Variants in SMYD5 observed in about 807,000 individuals in gnomAD.
SMYD5 encodes the protein protein-lysine N-trimethyltransferase SMYD5.
Under a neutral mutation model 57.4 loss-of-function variants are expected in SMYD5, and 35 were observed. That is an observed-to-expected ratio of 0.61 (90% confidence interval 0.47 to 0.81). SMYD5 has a LOEUF of 0.81. Among genes scored for constraint, SMYD5 ranks in the 30% least tolerant of loss-of-function variants. The pLI, the probability that SMYD5 is intolerant of heterozygous loss-of-function variation, is 0.00. For missense variants in SMYD5, 471 were observed against 527.9 expected (o/e 0.89, Z 1.06); for synonymous variants, 198 against 189.7 (o/e 1.04, Z -0.36).
chr2:73,223,153 C>G (rs1424471058), intron 8 of SMYD5, 47 bp downstream of exon 8: 8 of 1,516,032 alleles, frequency 5.3e-6, no homozygotes, highest in Non-Finnish European at 7.3e-6. Flanking sequence ...GGGTGGGAAA[C>G]TGAGGAAGGT....
chr2:73,220,291 G>A, intron 3 of SMYD5, 101 bp downstream of exon 3: 1 of 1,328,066 alleles, frequency 7.5e-7, no homozygotes, highest in South Asian at 1.3e-5. Context: ...CCTGGTCATG[G>A]CCCTTGAAAA....
chr2:73,220,898 C>G, intron 4 of SMYD5, 116 bp downstream of exon 4: 1 of 1,272,596 alleles, frequency 7.9e-7, no homozygotes, highest in Non-Finnish European at 1.1e-6. Flanking sequence ...TTCTTCCTTT[C>G]TTAGGGTTAA....
chr2:73,216,630 A>T (rs1686297250), intron 1 of SMYD5, among the ~76,000 whole-genome samples: 1 of 152,192 alleles, frequency 6.6e-6, no homozygotes, highest in Non-Finnish European at 1.5e-5. Flanking sequence ...AGGAGGCAGA[A>T]GTTGCAGTGA....
intron 4 of SMYD5, 53 bp from the exon 5 acceptor site, chr2:73,221,112 G>C: frequency 1.3e-6 from 2 of 1,487,522 alleles, no homozygotes; most frequent in Non-Finnish European, 9.4e-7. Flanking sequence ...GCTTCCCTGA[G>C]CTCAGCTACT....
In SMYD5 at chr2:73,219,289, G is replaced by A. The variant is rs1686341844; in HGVS notation, c.205+320G>A. On this transcript the variant is annotated intron_variant, in intron 2 of 12. Transcript: ENST00000389501. Reference sequence around the variant, plus strand: ...GTCCTCCACCAAGAGGAGGCTACATGGCCCTTGTTCAAAGAAGGCTGAGTT... The same window carrying A: ...GTCCTCCACCAAGAGGAGGCTACATAGCCCTTGTTCAAAGAAGGCTGAGTT... Among the ~76,000 whole-genome samples the A allele has an allele frequency of 1.3e-5, 2 of 152,172 alleles. 1 individual carries two copies. Among genetic ancestry groups the A allele is most frequent in the South Asian group, 4.1e-4 (2 of 4,826 alleles).
At chr2:73,215,444 C>G (rs1686277425) in intron 1 of SMYD5, among the ~76,000 whole-genome samples, 1 of 152,078 alleles carries the variant, frequency 6.6e-6, no homozygotes, top group African/African-American at 2.4e-5. Flanking sequence ...CTTCCGTGCC[C>G]CCTTTCTGCT....
At chr2:73,222,368 G>GGT (rs1686411673) in intron 6 of SMYD5, among the ~76,000 whole-genome samples, 1 of 152,218 alleles carries the variant, frequency 6.6e-6, no homozygotes, top group South Asian at 2.1e-4. Context: ...GGTGGAGGCA[G>GGT]GTGTGTACAA....
At chr2:73,220,838 TGG>T in intron 4 of SMYD5, 56 bp downstream of exon 4, 1 of 1,591,064 alleles carries the variant, frequency 6.3e-7, no homozygotes, top group Non-Finnish European at 8.6e-7. Flanking sequence ...GTTGCCTGCC[TGG>T]GCTCATCAGG....
intron 11 of SMYD5, chr2:73,225,215 T>G (rs1198690456): frequency 4.0e-6 from 2 of 497,130 alleles, no homozygotes; most frequent in East Asian, 6.9e-5. Flanking sequence ...TCCCCAGCTA[T>G]CTTTTGGTCA....
chr2:73,224,115 A>G, intron 10 of SMYD5, 112 bp downstream of exon 10: 1 of 949,746 alleles, frequency 1.1e-6, no homozygotes, highest in South Asian at 1.3e-5. Flanking sequence ...GGTAGGGTTG[A>G]GTCTGGGAGC....
chr2:73,222,751 C>A lies in SMYD5; in HGVS notation c.643-4C>A. 1 of 1,610,130 alleles carries A rather than the reference C, an allele frequency of 6.2e-7. No individual in the cohort carries two copies. Among genetic ancestry groups the A allele is most frequent in the African/African-American group, 1.3e-5 (1 of 74,976 alleles). ...CAAGTCTCTCCCTGCTTCCTCTAATCCAGGGCCAACTGGAACTTCTGCGGA... is the reference window on the plus strand; with the variant it reads ...CAAGTCTCTCCCTGCTTCCTCTAATACAGGGCCAACTGGAACTTCTGCGGA... On this transcript the variant is annotated splice_region_variant and splice_polypyrimidine_tract_variant and intron_variant, in intron 6 of 12. Coordinates refer to ENST00000389501, the MANE Select transcript of SMYD5 (RefSeq NM_006062.3).
chr2:73,214,271 CG>C lies in SMYD5; in HGVS notation c.7del (p.Ala3ProfsTer26). 6.2e-7 allele frequency: 1 copy of C among 1,613,696 alleles called. No individual in the cohort carries two copies. The highest frequency in any genetic ancestry group is 1.1e-5 in the South Asian group (1 of 91,068). Reference sequence around the variant, plus strand: ...TAAGGCGGAGGCGCGCCCAAGATGGCGGCCTCCATGTGCGACGTGTTCTCCT... The same window carrying C: ...TAAGGCGGAGGCGCGCCCAAGATGGCGCCTCCATGTGCGACGTGTTCTCCT... M[A>X]ASMCDVFSFC... is the part of the protein sequence containing the mutation. On this transcript the variant is annotated frameshift_variant, in exon 1 of 13. Transcript: ENST00000389501. LOFTEE classifies it high-confidence loss of function.
intron 1 of SMYD5, among the ~76,000 whole-genome samples, chr2:73,217,952 T>C (rs1256594569): frequency 6.6e-6 from 1 of 152,210 alleles, no homozygotes; most frequent in East Asian, 1.9e-4. Flanking sequence ...ATGTATATAG[T>C]GTTTTAGACC....
rs139692357 is a variant in SMYD5, at chr2:73,224,016, G to A, written c.940+13G>A. 32 of 1,613,300 alleles carry A rather than the reference G, an allele frequency of 2.0e-5. No homozygotes were observed. In the Middle Eastern group the frequency reaches 5.0e-4, roughly 25 times the overall value. On this transcript the variant is annotated intron_variant, in intron 10 of 12. Transcript: ENST00000389501. The stretch of plus-strand genomic sequence containing the variant: ...CTTCAGAGCTGCTGTGAGTCATGGC[G>A]TTGAGGAGGGATGGTCCCAGGCGCT...
Position 73,221,823 on chromosome 2 carries a change from C to T in SMYD5, c.538-3C>T. 6.2e-7 allele frequency: 1 copy of T among 1,608,298 alleles called. No individual in the cohort carries two copies. The highest frequency in any genetic ancestry group is 1.1e-5 in the South Asian group (1 of 90,950). ...GACCCTTAAGTATGTTTGTTCACTG[C>T]AGGCGAAGGACAAGGACCGTTGGAT... On this transcript the variant is annotated splice_polypyrimidine_tract_variant and splice_region_variant and intron_variant, in intron 5 of 12. Coordinates refer to ENST00000389501, the MANE Select transcript of SMYD5 (RefSeq NM_006062.3).
At chr2:73,214,698 G>C (rs555209153) in intron 1 of SMYD5, 301 of 1,390,810 alleles carry the variant, frequency 2.2e-4, no homozygotes, top group Admixed American at 6.1e-4. Flanking sequence ...CGGGCAGAGA[G>C]AACTGAGGTG....
At chr2:73,215,650 C>T (rs1686281618) in intron 1 of SMYD5, among the ~76,000 whole-genome samples, 1 of 152,308 alleles carries the variant, frequency 6.6e-6, no homozygotes, top group South Asian at 2.1e-4. Context: ...CCCCCAGTCT[C>T]TCAGCCCCTT....
At chr2:73,219,156 G>C (rs1686340261) in intron 2 of SMYD5, among the ~76,000 whole-genome samples, 187 bp downstream of exon 2, 1 of 152,074 alleles carries the variant, frequency 6.6e-6, no homozygotes, top group South Asian at 2.1e-4. Flanking sequence ...TTATTCCTGT[G>C]GTGGGAGGCT....
chr2:73,216,846 A>G (rs1056430766), intron 1 of SMYD5, among the ~76,000 whole-genome samples: 1 of 152,040 alleles, frequency 6.6e-6, no homozygotes, highest in Admixed American at 6.6e-5. Context: ...CTAGATTTAC[A>G]GTGTGAGCCA....
Sources: allele counts gnomAD v4.1 joint callset (sites outside exome capture counted in the v4.1 genomes callset), GRCh38; gene constraint gnomAD v4.1.1; transcripts MANE v1.5; gene names NCBI Gene and HGNC (gene_info 2026-07-23, HGNC 2026-07-21).